LMBR1: variants seen among roughly 807,000 people sequenced by gnomAD.
LMBR1 encodes limb development membrane protein 1, also known as limb region 1 protein homolog.
In LMBR1, 52 loss-of-function variants were observed where a neutral mutation model predicts 73.9. The observed-to-expected ratio is 0.70, with a 90% CI of 0.56 to 0.89. The LOEUF (loss-of-function observed/expected upper bound fraction) is 0.89. Ranked by LOEUF, LMBR1 falls within the 40% of genes least tolerant of loss-of-function variation. The pLI, the probability that LMBR1 is intolerant of heterozygous loss-of-function variation, is 0.00. For synonymous variants in LMBR1, 215 were observed against 209.4 expected, an observed-to-expected ratio of 1.03 and a Z score of -0.23; for missense variants, 539 against 579.8, an observed-to-expected ratio of 0.93 and a Z score of 0.72.
At chr7:156,671,472 C>T (rs544741397) in intron 4 of LMBR1, among the ~76,000 whole-genome samples, 3 of 152,200 alleles carry the variant, frequency 2.0e-5, no homozygotes, top group Admixed American at 6.5e-5. Flanking sequence ...AACACCACAC[C>T]GAGCAACGGC....
At chr7:156,689,473 T>C (rs890655261) in intron 15 of LMBR1, among the ~76,000 whole-genome samples, 2 of 152,172 alleles carry the variant, frequency 1.3e-5, no homozygotes, top group Non-Finnish European at 2.9e-5. Context: ...CTCCCTCCAA[T>C]GCAATGGCAT....
chr7:156,847,438 G>A (rs548032966), intron 1 of LMBR1, among the ~76,000 whole-genome samples: 28 of 152,276 alleles, frequency 1.8e-4, no homozygotes, highest in African/African-American at 6.5e-4. Context: ...GAATTGATAA[G>A]CTAGACTTTA....
At chr7:156,781,313 C>A (rs1267533322) in intron 5 of LMBR1, among the ~76,000 whole-genome samples, 2 of 152,084 alleles carry the variant, frequency 1.3e-5, no homozygotes, top group East Asian at 3.9e-4. Flanking sequence ...CACAGAAGAT[C>A]CTTTATGACA....
downstream of LMBR1, chr7:156,676,254 T>A (rs754235445): frequency 6.5e-7 from 1 of 1,537,066 alleles, no homozygotes; most frequent in Non-Finnish European, 8.8e-7. Flanking sequence ...TGTATATATA[T>A]ATGTATATAT....
chr7:156,820,266 CCT>C lies in LMBR1; in HGVS notation c.319+6337_319+6338del, dbSNP rs1357138273. Among the ~76,000 whole-genome samples, 4 of 152,098 alleles carry C rather than the reference CCT, an allele frequency of 2.6e-5. No homozygotes were observed. In the East Asian group the frequency reaches 7.7e-4, roughly 29 times the overall value. On this transcript the variant is annotated intron_variant, in intron 4 of 16. Transcript: ENST00000353442. ...TCTGGCAAATGCTTTTCTCTCTGTC[CCT>C]GTTAGTAAAGACCACTAGAAGCAGT...
intron 15 of LMBR1, among the ~76,000 whole-genome samples, chr7:156,705,004 T>C (rs1313956103): frequency 1.3e-5 from 2 of 151,970 alleles, no homozygotes; most frequent in African/African-American, 2.4e-5. Context: ...GATCAAAAAG[T>C]TTAGAAAACA....
At chr7:156,757,648 C>A (rs76792135) in intron 8 of LMBR1, among the ~76,000 whole-genome samples, 5,770 of 152,264 alleles carry the variant, frequency 0.038, 165 homozygotes, top group Non-Finnish European at 0.059. Flanking sequence ...AAACTACTCA[C>A]ACTCAGCAAA....
chr7:156,819,046 T>A (rs1563443326), intron 4 of LMBR1, among the ~76,000 whole-genome samples: 1 of 152,192 alleles, frequency 6.6e-6, no homozygotes, highest in South Asian at 2.1e-4. Flanking sequence ...AGGATCATCA[T>A]CAGGTCTCCT....
At chr7:156,890,570 TAATA>T (rs772838942) in intron 1 of LMBR1, among the ~76,000 whole-genome samples, 2 of 152,168 alleles carry the variant, frequency 1.3e-5, no homozygotes, top group African/African-American at 2.4e-5. Flanking sequence ...TCCAAATGGC[TAATA>T]AACAAACAGG....
intron 12 of LMBR1, 143 bp downstream of exon 12, chr7:156,727,787 G>A: frequency 2.7e-6 from 1 of 371,838 alleles, no homozygotes; most frequent in South Asian, 9.5e-5. Context: ...TATTTTAAAG[G>A]CTCTTTGCAT....
chr7:156,797,492 C>T (rs1471009620), intron 4 of LMBR1, among the ~76,000 whole-genome samples: 2 of 152,128 alleles, frequency 1.3e-5, no homozygotes, highest in Non-Finnish European at 2.9e-5. Flanking sequence ...TTCTCAACAC[C>T]TTCATTTCCA....
chr7:156,801,856 G>C (rs563680237), intron 4 of LMBR1, among the ~76,000 whole-genome samples: 1 of 152,210 alleles, frequency 6.6e-6, no homozygotes, highest in East Asian at 1.9e-4. Context: ...TATTTTATGA[G>C]GGAAGGTCCC....
At chr7:156,792,464 A>C (rs1165904187) in intron 5 of LMBR1, among the ~76,000 whole-genome samples, 1 of 152,218 alleles carries the variant, frequency 6.6e-6, no homozygotes, top group Non-Finnish European at 1.5e-5. Flanking sequence ...TTCCAAGATA[A>C]AAGTTAGCTG....
chr7:156,819,793 C>G (rs766132719), intron 4 of LMBR1, among the ~76,000 whole-genome samples: 98 of 152,166 alleles, frequency 6.4e-4, no homozygotes, highest in Non-Finnish European at 1.2e-3. Flanking sequence ...TAGCAGAGGC[C>G]CAACTCAGAG....
intron 9 of LMBR1, among the ~76,000 whole-genome samples, chr7:156,754,035 T>C (rs866912977): frequency 6.6e-6 from 1 of 152,160 alleles, no homozygotes; most frequent in African/African-American, 2.4e-5. Context: ...CTACACAATA[T>C]CTAGTGCTTA....
chr7:156,880,997 A>C (rs1441257327), intron 1 of LMBR1, among the ~76,000 whole-genome samples: 4 of 152,188 alleles, frequency 2.6e-5, no homozygotes, highest in African/African-American at 9.6e-5. Flanking sequence ...AATAATTCTA[A>C]AAGTCTTATG....
intron 1 of LMBR1, among the ~76,000 whole-genome samples, chr7:156,854,229 A>T (rs1796636631): frequency 6.6e-6 from 1 of 152,210 alleles, no homozygotes; most frequent in Non-Finnish European, 1.5e-5. Flanking sequence ...GAGAGACAAA[A>T]GCCCTTGTAC....
At chr7:156,790,109 AC>A (rs1828939505) in intron 5 of LMBR1, among the ~76,000 whole-genome samples, 1 of 152,026 alleles carries the variant, frequency 6.6e-6, no homozygotes, top group African/African-American at 2.4e-5. Flanking sequence ...TACAACCTAT[AC>A]TGTTCTAAAA....
intron 4 of LMBR1, among the ~76,000 whole-genome samples, chr7:156,672,467 C>T (rs956059830): frequency 1.3e-5 from 2 of 152,144 alleles, no homozygotes; most frequent in African/African-American, 4.8e-5. Flanking sequence ...ATCAATAGGG[C>T]CACTTAGGAG....
Sources: allele counts gnomAD v4.1 joint callset (sites outside exome capture counted in the v4.1 genomes callset), GRCh38; gene constraint gnomAD v4.1.1; transcripts MANE v1.5; gene names NCBI Gene and HGNC (gene_info 2026-07-23, HGNC 2026-07-21).